Variants in DECR1 observed in about 807,000 individuals in gnomAD.
DECR1 encodes 2,4-dienoyl-CoA reductase [(3E)-enoyl-CoA-producing], mitochondrial.
A neutral mutation model predicts 38.8 loss-of-function variants in DECR1; 44 were observed. The observed-to-expected ratio is 1.13, with a 90% confidence interval of 0.89 to 1.46. The LOEUF (loss-of-function observed/expected upper bound fraction) is 1.46, where lower values mean the gene tolerates loss of function less well. Among genes scored for constraint, DECR1 ranks in the 40% most tolerant of loss-of-function variants. The pLI is 0.00. For missense variants in DECR1, 428 were observed against 405.5 expected, an observed-to-expected ratio of 1.06 and a Z score of -0.48; for synonymous variants, 148 against 135.2, an observed-to-expected ratio of 1.09 and a Z score of -0.66.
chr8:90,002,385 G>T (rs1812639220), intron 1 of DECR1, among the ~76,000 whole-genome samples: 1 of 152,094 alleles, frequency 6.6e-6, no homozygotes. Flanking sequence ...TCTCACACTG[G>T]CTTCCCCCTC....
At chr8:90,049,582 G>A (rs1814012728) in intron 8 of DECR1, among the ~76,000 whole-genome samples, 2 of 151,990 alleles carry the variant, frequency 1.3e-5, no homozygotes, top group Non-Finnish European at 2.9e-5. Context: ...GAATCAATGT[G>A]TGAAAATGGC....
chr8:90,033,052 T>G (rs1813537532), intron 5 of DECR1, among the ~76,000 whole-genome samples: 1 of 152,160 alleles, frequency 6.6e-6, no homozygotes, highest in Admixed American at 6.6e-5. Context: ...TTCCCCAGTC[T>G]CATAGCTACA....
At position 90,041,177 on chromosome 8, in the gene DECR1, G is replaced by A. The variant is rs1813751652; in HGVS notation, c.666-1551G>A. On this transcript the variant is annotated intron_variant, in intron 6 of 9. Coordinates refer to ENST00000220764, the MANE Select transcript of DECR1 (RefSeq NM_001359.2). Reference sequence around the variant, plus strand: ...TAATGATTGCCATTCTAACTGGCATGAGATGGTATCTCGTGGTTTTGATTT... The same window carrying A: ...TAATGATTGCCATTCTAACTGGCATAAGATGGTATCTCGTGGTTTTGATTT... 1.3e-5 allele frequency among the ~76,000 whole-genome samples: 2 copies of A among 152,162 alleles called. 1 individual carries two copies. The highest frequency in any genetic ancestry group is 1.3e-4 in the Admixed American group (2 of 15,274).
chr8:90,012,859 G>C (rs771046864), intron 1 of DECR1, among the ~76,000 whole-genome samples: 2 of 152,208 alleles, frequency 1.3e-5, no homozygotes, highest in African/African-American at 2.4e-5. Flanking sequence ...ATGTTGTCTG[G>C]TTTTGAAGGC....
At chr8:90,006,417 G>C in intron 1 of DECR1, 2 of 662,882 alleles carry the variant, frequency 3.0e-6, no homozygotes, top group East Asian at 5.4e-5. Flanking sequence ...CCAGCATAAA[G>C]GTTATCAACA....
chr8:90,041,098 A>G (rs1033447523), intron 6 of DECR1, among the ~76,000 whole-genome samples: 4 of 152,212 alleles, frequency 2.6e-5, no homozygotes, highest in Non-Finnish European at 4.4e-5. Flanking sequence ...CAACAGTGTA[A>G]AAGTGTTCCT....
At chr8:90,026,209 C>G (rs1813332597) in intron 5 of DECR1, among the ~76,000 whole-genome samples, 1 of 152,126 alleles carries the variant, frequency 6.6e-6, no homozygotes, top group Non-Finnish European at 1.5e-5. Flanking sequence ...CTCTGTCAGG[C>G]TTTGGTATCA....
intron 1 of DECR1, among the ~76,000 whole-genome samples, chr8:90,002,428 T>C (rs928500271): frequency 2.0e-5 from 3 of 151,990 alleles, no homozygotes; most frequent in Non-Finnish European, 4.4e-5. Flanking sequence ...CCATCTCCAT[T>C]GCACCCATAG....
At chr8:90,005,596 C>T (rs1812718980) in intron 1 of DECR1, 1 of 373,084 alleles carries the variant, frequency 2.7e-6, no homozygotes. Context: ...AGGCAGCTGG[C>T]TCCCAAAAGG....
At chr8:90,038,249 A>G (rs1394838792) in intron 6 of DECR1, among the ~76,000 whole-genome samples, 1 of 151,914 alleles carries the variant, frequency 6.6e-6, no homozygotes, top group Non-Finnish European at 1.5e-5. Context: ...TCATATGTCT[A>G]TGGCTGAGTT....
intron 8 of DECR1, among the ~76,000 whole-genome samples, chr8:90,049,484 C>T (rs1194058132): frequency 6.6e-6 from 1 of 152,066 alleles, no homozygotes; most frequent in Non-Finnish European, 1.5e-5. Context: ...TGTGAAGTAC[C>T]TCTTCAAGGA....
chr8:90,034,350 G>T lies in DECR1; in HGVS notation c.566-2491G>T, dbSNP rs76951283. Among the ~76,000 whole-genome samples, 5 of 152,110 alleles carry T rather than the reference G, an allele frequency of 3.3e-5. No homozygotes were observed. In the East Asian group the frequency reaches 9.6e-4, roughly 29 times the overall value. ...CAAATATTAAGTATTGTCTTATCCC[G>T]TGTTATGAATAAATAAGAAGTAGAG... On this transcript the variant is annotated intron_variant, in intron 5 of 9. Coordinates refer to ENST00000220764, the MANE Select transcript of DECR1 (RefSeq NM_001359.2).
intron 3 of DECR1, 42 bp from the exon 4 acceptor site, chr8:90,019,044 A>G (rs770884634): frequency 2.3e-5 from 37 of 1,604,864 alleles, no homozygotes; most frequent in South Asian, 2.1e-4. Context: ...CGTTTGGTTT[A>G]AGAAAGCTGG....
At chr8:90,005,231 G>C in intron 1 of DECR1, 1 of 425,416 alleles carries the variant, frequency 2.4e-6, no homozygotes, top group East Asian at 7.0e-5. Context: ...GGTTGCTGGG[G>C]GACAGGGTAT....
intron 1 of DECR1, among the ~76,000 whole-genome samples, chr8:90,011,026 A>G (rs973664532): frequency 2.0e-5 from 3 of 152,214 alleles, no homozygotes; most frequent in Non-Finnish European, 1.5e-5. Context: ...GGTTATTATT[A>G]CTATGGTTAT....
In DECR1 at chr8:90,017,246, T is replaced by G; in HGVS notation, c.192T>G (p.Ile64Met). 1 of 1,614,200 alleles carries G rather than the reference T, an allele frequency of 6.2e-7. No homozygotes were observed. The stretch of plus-strand genomic sequence containing the variant: ...GTTTTCAAGGAAAAGTGGCATTCAT[T>G]ACTGGGGGAGGTACTGGCCTTGGTA... ...PNSFQGKVAF[I>M]TGGGTGLGKG... The change falls in exon 2 of 10, where the codon ATT becomes ATG. Residue 64 changes from isoleucine (I) to methionine (M), a missense_variant. Ile to Met is a conservative substitution (Grantham distance 10). Transcript: ENST00000220764.
intron 6 of DECR1, among the ~76,000 whole-genome samples, chr8:90,039,754 A>G (rs879483426): frequency 2.0e-5 from 3 of 152,176 alleles, no homozygotes; most frequent in Non-Finnish European, 4.4e-5. Flanking sequence ...CTTACATCAC[A>G]CAATTCCCAG....
rs375029323 is a variant in DECR1 at position 90,024,936 on chromosome 8, A to G, written c.565+3880A>G. On this transcript the variant is annotated intron_variant, in intron 5 of 9. Transcript: ENST00000220764. ...AAGGGATCCAGTTTCAGCTTTCTACATATGGCTAGCCAGTTTTCCCAGCAC... is the reference window on the plus strand; with the variant it reads ...AAGGGATCCAGTTTCAGCTTTCTACGTATGGCTAGCCAGTTTTCCCAGCAC... Among the ~76,000 whole-genome samples, 14 of 152,358 alleles carry G rather than the reference A, an allele frequency of 9.2e-5. No homozygotes were observed. The South Asian group carries it at 1.2e-3, about 14-fold the overall frequency.
At chr8:90,045,410 CCCACAGAGCCTCGCTAA>C (rs1813870849) in intron 8 of DECR1, among the ~76,000 whole-genome samples, 1 of 152,142 alleles carries the variant, frequency 6.6e-6, no homozygotes, top group Non-Finnish European at 1.5e-5. Context: ...GGGTCCCATG[CCCACAGAGCCTCGCTAA>C]CTGCTAGCAC....
Sources: allele counts gnomAD v4.1 joint callset (sites outside exome capture counted in the v4.1 genomes callset), GRCh38; gene constraint gnomAD v4.1.1; transcripts MANE v1.5; gene names NCBI Gene and HGNC (gene_info 2026-07-23, HGNC 2026-07-21).